SEMA4D: variants seen among roughly 807,000 people sequenced by gnomAD.
SEMA4D encodes the protein semaphorin-4D.
Under a neutral mutation model 74.8 loss-of-function variants are expected in SEMA4D, and 22 were observed. The ratio of observed to expected loss-of-function variants is 0.29; its 90% CI spans 0.21 to 0.42. The LOEUF is 0.42. Ranked by LOEUF, SEMA4D falls within the 10% of genes least tolerant of loss-of-function variation. The pLI is 1.00. For missense variants in SEMA4D, 937 were observed against 1,118.4 expected (o/e 0.84, Z 2.31); for synonymous variants, 445 against 463.7 (o/e 0.96, Z 0.52).
intron 2 of SEMA4D, among the ~76,000 whole-genome samples, chr9:89,443,651 C>A (rs1448024629): frequency 6.6e-6 from 1 of 152,222 alleles, no homozygotes; most frequent in Non-Finnish European, 1.5e-5. Context: ...TGCCTCCGAG[C>A]TGGTGGCCAG....
At chr9:89,494,475 C>A (rs1183956662) in intron 1 of SEMA4D, among the ~76,000 whole-genome samples, 1 of 152,194 alleles carries the variant, frequency 6.6e-6, no homozygotes, top group Non-Finnish European at 1.5e-5. Flanking sequence ...AGATGGGCTT[C>A]CGTGCTGAGC....
chr9:89,407,733 C>T (rs1040543949), intron 2 of SEMA4D, among the ~76,000 whole-genome samples: 3 of 152,252 alleles, frequency 2.0e-5, no homozygotes, highest in African/African-American at 4.8e-5. Context: ...AACTGCTCCT[C>T]ATCCACACTC....
At chr9:89,451,140 T>A (rs1314894458) in intron 2 of SEMA4D, among the ~76,000 whole-genome samples, 4 of 152,216 alleles carry the variant, frequency 2.6e-5, no homozygotes, top group Admixed American at 6.5e-5. Flanking sequence ...AATTTTTTTA[T>A]ACCATTCTGA....
intron 17 of SEMA4D, chr9:89,363,651 G>A: frequency 6.3e-7 from 1 of 1,592,760 alleles, no homozygotes. Flanking sequence ...CACCGTGCAA[G>A]CATGCTTTCC....
intron 2 of SEMA4D, among the ~76,000 whole-genome samples, chr9:89,410,264 G>A (rs1844240624): frequency 6.6e-6 from 1 of 152,236 alleles, no homozygotes. Flanking sequence ...ACAGATAACA[G>A]TAGAATGCAC....
Position 89,388,919 on chromosome 9 carries a change from G to A in SEMA4D, c.903C>T (p.Ser301=). ...NVLRDVFVLR[S]PGLKVPVFYA... is the part of the protein sequence containing the mutation. Reference sequence around the variant, plus strand: ...AGAACACAGGCACCTTCAGGCCCGGGGACCTGAGCACGAAGACATCCCGCA... The same window carrying A: ...AGAACACAGGCACCTTCAGGCCCGGAGACCTGAGCACGAAGACATCCCGCA... The change falls in exon 10 of 16, where the codon TCC becomes TCT. Residue 301 remains serine (S), a synonymous_variant. Coordinates refer to ENST00000422704, the MANE Select transcript of SEMA4D (RefSeq NM_001371194.2). 6.2e-7 allele frequency: 1 copy of A among 1,614,128 alleles called. No individual in the cohort carries two copies. The highest frequency in any genetic ancestry group is 1.1e-5 in the South Asian group (1 of 91,086).
At position 89,393,045 on chromosome 9, in the gene SEMA4D, G is replaced by A. The variant is rs942235138; in HGVS notation, c.509-509C>T. Reference sequence around the variant, plus strand: ...GCTGGTCTCAAACTCCTGTCCTCCCGCCTGAGCCTCCCGAGTAGCTAGGAC... The same window carrying A: ...GCTGGTCTCAAACTCCTGTCCTCCCACCTGAGCCTCCCGAGTAGCTAGGAC... On this transcript the variant is annotated intron_variant, in intron 7 of 15. Transcript: ENST00000422704. Among the ~76,000 whole-genome samples, 3 of 152,136 alleles carry A rather than the reference G, an allele frequency of 2.0e-5. 1 individual carries two copies. Among genetic ancestry groups the A allele is most frequent in the South Asian group, 4.1e-4 (2 of 4,826 alleles).
chr9:89,489,666 G>A (rs887656954), intron 1 of SEMA4D, among the ~76,000 whole-genome samples: 1 of 152,188 alleles, frequency 6.6e-6, no homozygotes. Flanking sequence ...AATTCACATT[G>A]TAGCATGTAT....
chr9:89,406,640 G>A (rs967498906), intron 2 of SEMA4D, among the ~76,000 whole-genome samples: 2 of 152,208 alleles, frequency 1.3e-5, no homozygotes, highest in African/African-American at 4.8e-5. Flanking sequence ...AGAATGTCCT[G>A]AGCTGGGCAC....
intron 2 of SEMA4D, among the ~76,000 whole-genome samples, chr9:89,426,352 T>G (rs1848106429): frequency 6.6e-6 from 1 of 152,190 alleles, no homozygotes; most frequent in African/African-American, 2.4e-5. Flanking sequence ...ATATATACAC[T>G]ACAATTACAA....
intron 2 of SEMA4D, among the ~76,000 whole-genome samples, chr9:89,430,070 G>A (rs1383590552): frequency 6.6e-6 from 1 of 151,888 alleles, no homozygotes. Flanking sequence ...GCCTGGCTGA[G>A]GAGGACGGGC....
At chr9:89,446,482 G>C (rs1852883433) in intron 2 of SEMA4D, among the ~76,000 whole-genome samples, 1 of 152,148 alleles carries the variant, frequency 6.6e-6, no homozygotes, top group East Asian at 1.9e-4. Flanking sequence ...CCTGCTCCAA[G>C]GCCATGACCC....
At chr9:89,428,266 C>G (rs189385463) in intron 2 of SEMA4D, among the ~76,000 whole-genome samples, 260 of 152,366 alleles carry the variant, frequency 1.7e-3, no homozygotes, top group African/African-American at 5.9e-3. Flanking sequence ...CCAGGCGGCC[C>G]CCGCCATGGC....
intron 1 of SEMA4D, chr9:89,472,697 C>G (rs1201243990): frequency 6.2e-6 from 1 of 160,876 alleles, no homozygotes; most frequent in Non-Finnish European, 1.4e-5. Flanking sequence ...ACAAGTTAAT[C>G]AAAAGGAAAA....
chr9:89,484,528 G>T lies in SEMA4D; in HGVS notation c.-310+13391C>A, dbSNP rs532653527. On this transcript the variant is annotated intron_variant, in intron 1 of 15. Coordinates refer to ENST00000422704, the MANE Select transcript of SEMA4D (RefSeq NM_001371194.2). This position sits in a 1 kb window ranked among gnomAD's most constrained non-coding sequence, Gnocchi z 4.1. Reference sequence around the variant, plus strand: ...TTGTGTAGTGTGTGTGGTGTGTATGGACTGGGTGTGTGGGGTGGGGAGGTA... The same window carrying T: ...TTGTGTAGTGTGTGTGGTGTGTATGTACTGGGTGTGTGGGGTGGGGAGGTA... Among the ~76,000 whole-genome samples the T allele has an allele frequency of 2.8e-3, 422 of 151,502 alleles. 3 individuals carry two copies. The highest frequency in any genetic ancestry group is 9.7e-3 in the African/African-American group (401 of 41,274).
At chr9:89,426,834 CAGT>C (rs1490329893) in intron 2 of SEMA4D, among the ~76,000 whole-genome samples, 5 of 152,200 alleles carry the variant, frequency 3.3e-5, no homozygotes, top group Non-Finnish European at 7.3e-5. Flanking sequence ...TTCCCATCAA[CAGT>C]AGACCAAGTG....
chr9:89,392,717 T>C (rs1048029614), intron 7 of SEMA4D, among the ~76,000 whole-genome samples, 181 bp from the exon 8 acceptor site: 12 of 150,528 alleles, frequency 8.0e-5, no homozygotes, highest in Middle Eastern at 3.4e-3. Context: ...TTCTTTCTTT[T>C]TCGAGATGAG....
At position 89,492,415 on chromosome 9, in the gene SEMA4D, C is replaced by A. The variant is rs74786848; in HGVS notation, c.-310+5504G>T. Among the ~76,000 whole-genome samples, 4,235 of 152,224 alleles carry A rather than the reference C, an allele frequency of 0.028. 109 individuals carry two copies. Among genetic ancestry groups the A allele is most frequent in the South Asian group, 0.098 (472 of 4,824 alleles). ...CTCCCTAGTGGTCTCATCCAAACTCCCTTTCAAAATGTCATCTCTATAGCT... is the reference window on the plus strand; with the variant it reads ...CTCCCTAGTGGTCTCATCCAAACTCACTTTCAAAATGTCATCTCTATAGCT... On this transcript the variant is annotated intron_variant, in intron 1 of 15. Coordinates refer to ENST00000422704, the MANE Select transcript of SEMA4D (RefSeq NM_001371194.2). This position sits in a 1 kb window ranked among gnomAD's most constrained non-coding sequence, Gnocchi z 4.3.
chr9:89,494,854 T>TTGCTAAAG (rs1825888094), intron 1 of SEMA4D, among the ~76,000 whole-genome samples: 2 of 152,134 alleles, frequency 1.3e-5, no homozygotes, highest in South Asian at 4.1e-4. Flanking sequence ...TCAGTATCTA[T>TTGCTAAAG]TGCTAAAGGG....
Sources: gnomAD v4.1 joint callset for allele counts (sites outside exome capture counted in the v4.1 genomes callset) on GRCh38, gnomAD v4.1.1 for gene constraint, Gnocchi (gnomAD v3.1) non-coding constraint, MANE v1.5 for transcripts, NCBI Gene and HGNC (gene_info 2026-07-23, HGNC 2026-07-21) for gene names.